HIPK2: variants seen among roughly 807,000 people sequenced by gnomAD.
The protein encoded by HIPK2 is homeodomain-interacting protein kinase 2.
A neutral mutation model predicts 113.7 loss-of-function variants in HIPK2; 27 were observed. The ratio of observed to expected loss-of-function variants is 0.24; its 90% CI spans 0.17 to 0.33. The LOEUF (loss-of-function observed/expected upper bound fraction) is 0.33. Among genes scored for constraint, HIPK2 ranks in the 10% least tolerant of loss-of-function variants. The probability of loss-of-function intolerance (pLI) is 1.00; values close to 1 mark genes in which losing one functional copy is unlikely to be tolerated. For missense variants in HIPK2, 1,257 were observed against 1,588.0 expected (o/e 0.79, Z 3.54); for synonymous variants, 631 against 642.2 (o/e 0.98, Z 0.26).
intron 2 of HIPK2, among the ~76,000 whole-genome samples, chr7:139,681,351 A>G (rs1276682194): frequency 1.3e-5 from 2 of 152,186 alleles, no homozygotes; most frequent in African/African-American, 4.8e-5. Flanking sequence ...GACACAGCCC[A>G]CTTCTCAGGT....
At position 139,631,130 on chromosome 7, in the gene HIPK2, GCCACTGTGAGGAGTGGAGGAGACGCTCTT is replaced by G; in HGVS notation, c.1347+6_1347+34del. On this transcript the variant is annotated splice_donor_region_variant and intron_variant, in intron 4 of 14. Transcript: ENST00000406875. The surrounding 1 kb of genome is among the most constrained non-coding windows in gnomAD (Gnocchi z 4.9). ...TACGGCCCTCTTCCCTAAGCGCTGG[GCCACTGTGAGGAGTGGAGGAGACGCTCTT>G]CCTACCTTCAGTCTCCACAAAGGAT... The G allele has an allele frequency of 6.3e-7, 1 of 1,587,748 alleles. No individual in the cohort carries two copies. Among genetic ancestry groups the G allele is most frequent in the Non-Finnish European group, 8.6e-7 (1 of 1,166,338 alleles).
At chr7:139,578,135 G>A (rs894029888) in intron 13 of HIPK2, among the ~76,000 whole-genome samples, 6 of 151,834 alleles carry the variant, frequency 4.0e-5, no homozygotes, top group South Asian at 4.2e-4. Context: ...TCAGCCTCCC[G>A]AGTAGCTGGG....
At chr7:139,691,858 A>G (rs1379051657) in intron 2 of HIPK2, among the ~76,000 whole-genome samples, 3 of 152,244 alleles carry the variant, frequency 2.0e-5, no homozygotes, top group African/African-American at 7.2e-5. Context: ...AATTGTATTA[A>G]TACCTCAAAA....
In HIPK2 at chr7:139,598,912, A is replaced by G. The variant is rs568055776; in HGVS notation, c.2435+1505T>C. Among the ~76,000 whole-genome samples the G allele has an allele frequency of 1.1e-4, 17 of 152,318 alleles. No individual in the cohort carries two copies. In the East Asian group the frequency reaches 1.9e-3, roughly 17 times the overall value. Reference sequence around the variant, plus strand: ...GAGCTGTCACAAGGCTGCCAAACAAAAGCGTTCTGGAAAGCTGCCAATGAT... The same window carrying G: ...GAGCTGTCACAAGGCTGCCAAACAAGAGCGTTCTGGAAAGCTGCCAATGAT... On this transcript the variant is annotated intron_variant, in intron 11 of 14. Transcript: ENST00000406875.
chr7:139,572,792 C>CCCCCCA lies in HIPK2; in HGVS notation c.*134_*135insTGGGGG. 1 of 183,674 alleles carries CCCCCCA rather than the reference C, an allele frequency of 5.4e-6. No individual in the cohort carries two copies. Among genetic ancestry groups the CCCCCCA allele is most frequent in the Non-Finnish European group, 1.0e-5 (1 of 97,446 alleles). 11.4% of individuals were successfully genotyped at this position (183,674 alleles called of 1,614,324 possible). On this transcript the variant is annotated 3_prime_UTR_variant, in exon 15 of 15. Coordinates refer to ENST00000406875, the MANE Select transcript of HIPK2 (RefSeq NM_022740.5). ...CCCCCCCCCCCCCCCGCCCCTGCCC[C>CCCCCCA]GTTTGCATTGTTTGTGTGCGGCATC...
intron 13 of HIPK2, among the ~76,000 whole-genome samples, chr7:139,581,912 T>C (rs1380550018): frequency 6.6e-6 from 1 of 152,228 alleles, no homozygotes; most frequent in Non-Finnish European, 1.5e-5. Context: ...TAAATAATGA[T>C]ACAAGACAAA....
intron 2 of HIPK2, among the ~76,000 whole-genome samples, chr7:139,672,941 T>C (rs905848587): frequency 2.0e-5 from 3 of 152,192 alleles, no homozygotes; most frequent in African/African-American, 7.2e-5. Flanking sequence ...TAGAACTTAG[T>C]ATCCTCCTTG....
At chr7:139,638,731 C>T (rs754989968) in intron 2 of HIPK2, among the ~76,000 whole-genome samples, 1 of 148,810 alleles carries the variant, frequency 6.7e-6, no homozygotes, top group Non-Finnish European at 1.5e-5. Context: ...GATCTTGGCT[C>T]ACTGCCAGCT....
intron 2 of HIPK2, among the ~76,000 whole-genome samples, chr7:139,660,888 C>T (rs1801844845): frequency 1.3e-5 from 2 of 152,306 alleles, no homozygotes; most frequent in South Asian, 4.1e-4. Context: ...AAAAGGGGAG[C>T]TACGCACCAT....
At chr7:139,605,481 A>G (rs916912961) in intron 9 of HIPK2, among the ~76,000 whole-genome samples, 5 of 152,154 alleles carry the variant, frequency 3.3e-5, no homozygotes, top group Non-Finnish European at 7.4e-5. Context: ...TAATTTATCG[A>G]ATGCAGTGCT....
In HIPK2 at chr7:139,564,804, T is replaced by C. The variant is rs939870802; in HGVS notation, c.*8123A>G. On this transcript the variant is annotated 3_prime_UTR_variant, in exon 15 of 15. Coordinates refer to ENST00000406875, the MANE Select transcript of HIPK2 (RefSeq NM_022740.5). ...CTATAAAACGTAGCCAGAAATATGC[T>C]TAAGTATCCACAGTCAATTGTTTAG... is the stretch of plus-strand genomic sequence containing the variant. The C allele has an allele frequency of 1.3e-5, 2 of 152,374 alleles. No individual in the cohort carries two copies. Among genetic ancestry groups the C allele is most frequent in the African/African-American group, 4.8e-5 (2 of 41,590 alleles). 9.4% of individuals were successfully genotyped at this position (152,374 alleles called of 1,614,324 possible). A position where few individuals can be genotyped will look rare whatever the true frequency, so the allele number is the denominator to read the frequency against.
chr7:139,612,259 A>G (rs1031875744), intron 9 of HIPK2, among the ~76,000 whole-genome samples: 3 of 152,212 alleles, frequency 2.0e-5, no homozygotes, highest in African/African-American at 7.2e-5. Context: ...CCATTTAACA[A>G]GACAGGACAA....
At chr7:139,642,428 C>G (rs949652338) in intron 2 of HIPK2, among the ~76,000 whole-genome samples, 1 of 152,170 alleles carries the variant, frequency 6.6e-6, no homozygotes, top group Non-Finnish European at 1.5e-5. Flanking sequence ...GCACAGAAGA[C>G]AGCCAGAAAG....
chr7:139,696,723 C>A (rs1023592581), intron 2 of HIPK2, among the ~76,000 whole-genome samples: 1 of 151,914 alleles, frequency 6.6e-6, no homozygotes, highest in Non-Finnish European at 1.5e-5. Flanking sequence ...GTAAAGGGGG[C>A]GGGGTGAAAA....
At chr7:139,576,761 A>G (rs1156514573) in intron 13 of HIPK2, among the ~76,000 whole-genome samples, 1 of 152,234 alleles carries the variant, frequency 6.6e-6, no homozygotes, top group Non-Finnish European at 1.5e-5. Context: ...GCCCAAGTCC[A>G]AGAAGGCTGA....
At chr7:139,587,347 C>T (rs755206881) in intron 12 of HIPK2, among the ~76,000 whole-genome samples, 29 of 151,824 alleles carry the variant, frequency 1.9e-4, no homozygotes, top group Non-Finnish European at 3.5e-4. Flanking sequence ...AAAAATTAGC[C>T]GGGAGTGGTG....
At chr7:139,637,443 T>C (rs751022745) in intron 2 of HIPK2, among the ~76,000 whole-genome samples, 10 of 152,228 alleles carry the variant, frequency 6.6e-5, no homozygotes, top group Non-Finnish European at 1.2e-4. Flanking sequence ...TGGAGCTCCT[T>C]TGGAGCCAGA....
rs891716354 is a variant in HIPK2, at chr7:139,613,406, T to C, written c.1991-83A>G. ...TGAAAAGAACCTTCCTGGGCAGTTA[T>C]GTCAACTTTCTGCTTCCCTTTGCAC... On this transcript the variant is annotated intron_variant, in intron 8 of 14. Coordinates refer to ENST00000406875, the MANE Select transcript of HIPK2 (RefSeq NM_022740.5). The surrounding 1 kb of genome is among the most constrained non-coding windows in gnomAD (Gnocchi z 4.2). 71 of 1,530,178 alleles carry C rather than the reference T, an allele frequency of 4.6e-5. No individual in the cohort carries two copies. In the South Asian group the frequency reaches 7.3e-4, roughly 16 times the overall value. The allele number at this position is 1,530,178 out of a possible 1,614,324, so 94.8% of individuals were successfully genotyped here.
In HIPK2 at chr7:139,564,866, G is replaced by A. The variant is rs1206205287; in HGVS notation, c.*8061C>T. The A allele has an allele frequency of 6.6e-6, 1 of 152,190 alleles. No homozygotes were observed. The highest frequency in any genetic ancestry group is 2.4e-5 in the African/African-American group (1 of 41,444). 9.4% of individuals were successfully genotyped at this position (152,190 alleles called of 1,614,324 possible). ...AAAATGTGACTGTTTTGATAGCTTA[G>A]AAGGCTAACAGCATTTTACAGTAGC... On this transcript the variant is annotated 3_prime_UTR_variant, in exon 15 of 15. Coordinates refer to ENST00000406875, the MANE Select transcript of HIPK2 (RefSeq NM_022740.5).
Sources: gnomAD v4.1 joint callset for allele counts (sites outside exome capture counted in the v4.1 genomes callset) on GRCh38, gnomAD v4.1.1 for gene constraint, Gnocchi (gnomAD v3.1) non-coding constraint, MANE v1.5 for transcripts, NCBI Gene and HGNC (gene_info 2026-07-23, HGNC 2026-07-21) for gene names.